CDH1: variants seen among roughly 807,000 people sequenced by gnomAD.
CDH1 encodes the protein cadherin 1.
A neutral mutation model predicts 84.5 loss-of-function variants in CDH1; 35 were observed. The ratio of observed to expected loss-of-function variants is 0.41; its 90% confidence interval spans 0.32 to 0.55. CDH1 has a LOEUF of 0.55. Among genes scored for constraint, CDH1 ranks in the 20% least tolerant of loss-of-function variants. The probability of loss-of-function intolerance (pLI) is 0.19; values close to 1 mark genes in which losing one functional copy is unlikely to be tolerated. For missense variants in CDH1, 994 were observed against 1,126.6 expected (o/e 0.88, Z 1.68); for synonymous variants, 417 against 439.0 (o/e 0.95, Z 0.63).
At chr16:68,791,387 T>G (rs1960204263) in intron 2 of CDH1, among the ~76,000 whole-genome samples, 1 of 152,190 alleles carries the variant, frequency 6.6e-6, no homozygotes, top group Non-Finnish European at 1.5e-5. Context: ...CCTGCTTATA[T>G]TTCTCTATTA....
At chr16:68,801,473 A>C (rs1960495708) in intron 2 of CDH1, among the ~76,000 whole-genome samples, 197 bp from the exon 3 acceptor site, 1 of 152,316 alleles carries the variant, frequency 6.6e-6, no homozygotes, top group East Asian at 1.9e-4. Context: ...TGAGAAAGAA[A>C]TCAGAGCACA....
Position 68,818,480 on chromosome 16 carries a change from T to C in CDH1, c.1566-800T>C, listed in dbSNP as rs529666636. 4.6e-5 allele frequency among the ~76,000 whole-genome samples: 7 copies of C among 151,418 alleles called. No homozygotes were observed. In the South Asian group the frequency reaches 1.5e-3, roughly 32 times the overall value. ...ACTCAGGTGAAGAGTTCATGGATGG[T>C]CATCATACTATTATAGTAACTTGTC... On this transcript the variant is annotated intron_variant, in intron 10 of 15. Transcript: ENST00000261769.
chr16:68,749,607 G>A (rs982031189), intron 2 of CDH1, among the ~76,000 whole-genome samples: 9 of 152,292 alleles, frequency 5.9e-5, no homozygotes, highest in Middle Eastern at 3.4e-3. Context: ...GACCTTGCAC[G>A]CTTGACAGTT....
Position 68,833,220 on chromosome 16 carries a change from G to C in CDH1, c.2440-70G>C. ...CATTGTCGTACCTTACATATTGCTAGACTTCTTGCCCCAGATGACAGGTGT... is the reference window on the plus strand; with the variant it reads ...CATTGTCGTACCTTACATATTGCTACACTTCTTGCCCCAGATGACAGGTGT... On this transcript the variant is annotated intron_variant, in intron 15 of 15. Transcript: ENST00000261769. 2.9e-6 allele frequency: 4 copies of C among 1,372,176 alleles called. No homozygotes were observed. The South Asian group carries it at 4.7e-5, about 16-fold the overall frequency. The allele number at this position is 1,372,176 out of a possible 1,614,324, so 85.0% of individuals were successfully genotyped here. A position where few individuals can be genotyped will look rare whatever the true frequency, so the allele number is the denominator to read the frequency against.
Position 68,808,756 on chromosome 16 carries a change from A to T in CDH1, c.595A>T (p.Thr199Ser), listed in dbSNP as rs876658424. Residue 199 changes from threonine to serine, a missense_variant, in exon 5 of 16, where the codon ACA becomes TCA. Coordinates refer to ENST00000261769, the MANE Select transcript of CDH1 (RefSeq NM_004360.5). ...CAGCATCACTGGCCAAGGAGCTGAC[A>T]CACCCCCTGTTGGTGTCTTTATTAT... ...FYSITGQGAD[T>S]PPVGVFIIER... 3.1e-6 allele frequency: 5 copies of T among 1,614,050 alleles called. No homozygotes were observed. In the African/African-American group the frequency reaches 6.7e-5, roughly 22 times the overall value.
chr16:68,753,175 T>C (rs952499108), intron 2 of CDH1, among the ~76,000 whole-genome samples: 5 of 123,214 alleles, frequency 4.1e-5, no homozygotes, highest in Non-Finnish European at 6.3e-5. Flanking sequence ...ATCGCGCCAC[T>C]GCACTCCAGC....
chr16:68,769,465 TC>T (rs1263137209), intron 2 of CDH1, among the ~76,000 whole-genome samples: 1 of 100,784 alleles, frequency 9.9e-6, no homozygotes, highest in Non-Finnish European at 2.3e-5. Context: ...AAATGGAATT[TC>T]TTTTTTTTTT....
At chr16:68,821,939 G>A in intron 11 of CDH1, 62 bp from the exon 12 acceptor site, 1 of 1,299,404 alleles carries the variant, frequency 7.7e-7, no homozygotes. Flanking sequence ...TGGTCTGGTG[G>A]AAGGCAATGG....
Position 68,737,313 on chromosome 16 carries a change from C to A in CDH1, c.-103C>A. Reference sequence around the variant, plus strand: ...TCTCAGTGGCGTCGGAACTGCAAAGCACCTGTGAGCTTGCGGAAGTCAGTT... The same window carrying A: ...TCTCAGTGGCGTCGGAACTGCAAAGAACCTGTGAGCTTGCGGAAGTCAGTT... On this transcript the variant is annotated 5_prime_UTR_variant, in exon 1 of 16. Coordinates refer to ENST00000261769, the MANE Select transcript of CDH1 (RefSeq NM_004360.5). 2.1e-6 allele frequency: 2 copies of A among 967,034 alleles called. No homozygotes were observed. Among genetic ancestry groups the A allele is most frequent in the Non-Finnish European group, 3.1e-6 (2 of 655,248 alleles). 59.9% of individuals were successfully genotyped at this position (967,034 alleles called of 1,614,324 possible).
intron 3 of CDH1, among the ~76,000 whole-genome samples, chr16:68,803,879 G>A (rs1165929652): frequency 6.6e-6 from 1 of 152,080 alleles, no homozygotes; most frequent in Non-Finnish European, 1.5e-5. Context: ...GCTGTGCCCA[G>A]TATGGAGACT....
At chr16:68,774,669 G>T (rs762199483) in intron 2 of CDH1, among the ~76,000 whole-genome samples, 1 of 152,146 alleles carries the variant, frequency 6.6e-6, no homozygotes. Flanking sequence ...CCTTTGCAAT[G>T]AAAGCGGATG....
chr16:68,771,476 G>A (rs889119144), intron 2 of CDH1, among the ~76,000 whole-genome samples: 11 of 152,014 alleles, frequency 7.2e-5, no homozygotes, highest in Admixed American at 2.0e-4. Flanking sequence ...TTTTGTAGCC[G>A]GGCGCGGTGG....
intron 2 of CDH1, among the ~76,000 whole-genome samples, chr16:68,745,550 A>AAATATATATATATACG: frequency 2.0e-5 from 1 of 50,510 alleles, no homozygotes; most frequent in South Asian, 6.3e-4. Flanking sequence ...AAAAAAAAAA[A>AAATATATATATATACG]TATATATATA....
chr16:68,803,499 A>C (rs1297276825), intron 3 of CDH1, among the ~76,000 whole-genome samples: 1 of 152,082 alleles, frequency 6.6e-6, no homozygotes, highest in Non-Finnish European at 1.5e-5. Flanking sequence ...CTGGGTTCAA[A>C]CAATTCTTCT....
At chr16:68,804,937 C>A (rs1410427911) in intron 3 of CDH1, among the ~76,000 whole-genome samples, 1 of 145,100 alleles carries the variant, frequency 6.9e-6, no homozygotes, top group Non-Finnish European at 1.5e-5. Flanking sequence ...CTCAAGCAAT[C>A]CTCCTGCCTC....
chr16:68,749,407 G>A (rs1425018661), intron 2 of CDH1, among the ~76,000 whole-genome samples: 4 of 152,212 alleles, frequency 2.6e-5, no homozygotes, highest in Non-Finnish European at 4.4e-5. Context: ...AGAAGGATTT[G>A]TATAGGATAG....
In CDH1 at chr16:68,833,322, C is replaced by A. The variant is rs1596976216; in HGVS notation, c.2472C>A (p.Ala824=). The A allele has an allele frequency of 6.2e-7, 1 of 1,614,188 alleles. No individual in the cohort carries two copies. Among genetic ancestry groups the A allele is most frequent in the Non-Finnish European group, 8.5e-7 (1 of 1,180,038 alleles). ...NLKAADTDPT[A]PPYDSLLVFD... Reference sequence around the variant, plus strand: ...AAGCGGCTGATACTGACCCCACAGCCCCGCCTTATGATTCTCTGCTCGTGT... The same window carrying A: ...AAGCGGCTGATACTGACCCCACAGCACCGCCTTATGATTCTCTGCTCGTGT... The change falls in exon 16 of 16, where the codon GCC becomes GCA. Residue 824 remains alanine (A), a synonymous_variant. Coordinates refer to ENST00000261769, the MANE Select transcript of CDH1 (RefSeq NM_004360.5).
intron 13 of CDH1, among the ~76,000 whole-genome samples, chr16:68,824,146 T>A (rs757981080): frequency 6.6e-6 from 1 of 151,964 alleles, no homozygotes. Flanking sequence ...TATGGGCATG[T>A]GCCACCACGC....
At chr16:68,746,670 G>A in intron 2 of CDH1, among the ~76,000 whole-genome samples, 1 of 152,014 alleles carries the variant, frequency 6.6e-6, no homozygotes, top group East Asian at 1.9e-4. Flanking sequence ...ATGGGAGGCT[G>A]GGTGCAGTGG....
Sources: gnomAD v4.1 joint callset for allele counts (sites outside exome capture counted in the v4.1 genomes callset) on GRCh38, gnomAD v4.1.1 for gene constraint, MANE v1.5 for transcripts, NCBI Gene and HGNC (gene_info 2026-07-23, HGNC 2026-07-21) for gene names.